The following ZBTB8B variants were observed in gnomAD, a reference collection of about 807,000 sequenced individuals.
ZBTB8B encodes zinc finger and BTB domain-containing protein 8B.
Under a neutral mutation model 30.3 loss-of-function variants are expected in ZBTB8B, and 17 were observed. The ratio of observed to expected loss-of-function variants is 0.56; its 90% CI spans 0.38 to 0.84. ZBTB8B has a LOEUF of 0.84. ZBTB8B is among the 40% of genes least tolerant of loss of function. ZBTB8B has a pLI of 0.00. For synonymous variants in ZBTB8B, 248 were observed against 255.6 expected (o/e 0.97, Z 0.28); for missense variants, 515 against 644.9 (o/e 0.80, Z 2.18).
chr1:32,485,329 T>A lies in ZBTB8B; in HGVS notation c.1399T>A (p.Ser467Thr). ...CAATGACTGGCCAATCTATGTGGAG[T>A]CGGGTGAGGAAAATGACCCTGCTGG... ...TDNDWPIYVE[S>T]GEENDPAGDD... Residue 467 changes from serine to threonine, a missense_variant, in exon 4 of 4, where the codon TCG (serine) becomes ACG (threonine). Physicochemically the swap from Ser to Thr is moderately conservative, Grantham distance 58. Transcript: ENST00000609129. The A allele has an allele frequency of 6.4e-7, 1 of 1,551,848 alleles. No homozygotes were observed. The highest frequency in any genetic ancestry group is 8.7e-7 in the Non-Finnish European group (1 of 1,147,058).
In ZBTB8B at chr1:32,492,676, G is replaced by A. The variant is rs1043148904; in HGVS notation, c.*7258G>A. The A allele has an allele frequency of 6.6e-6, 1 of 152,222 alleles. No individual in the cohort carries two copies. Among genetic ancestry groups the A allele is most frequent in the Non-Finnish European group, 1.5e-5 (1 of 68,068 alleles). 9.4% of individuals were successfully genotyped at this position (152,222 alleles called of 1,614,324 possible). A position where few individuals can be genotyped will look rare whatever the true frequency, so the allele number is the denominator to read the frequency against. ...CTTCTGTTGCTCCCAGCAGATCAAT[G>A]AGTGAAGATGGCTGGTTACTCATTC... On this transcript the variant is annotated 3_prime_UTR_variant, in exon 4 of 4. Transcript: ENST00000609129.
intron 2 of ZBTB8B, among the ~76,000 whole-genome samples, chr1:32,478,875 C>A (rs1643683184): frequency 1.3e-5 from 2 of 152,190 alleles, no homozygotes; most frequent in African/African-American, 4.8e-5. Context: ...AGAGCCTGGA[C>A]TGCTTACCTG....
At chr1:32,474,149 C>T (rs1643644401) in intron 2 of ZBTB8B, among the ~76,000 whole-genome samples, 1 of 151,696 alleles carries the variant, frequency 6.6e-6, no homozygotes, top group Non-Finnish European at 1.5e-5. Context: ...CTATGCCCGG[C>T]TTCAAATTTC....
rs1251756399 is a variant in ZBTB8B, at chr1:32,480,989, A to G, written c.1090A>G (p.Thr364Ala). 3.2e-6 allele frequency: 5 copies of G among 1,552,356 alleles called. No individual in the cohort carries two copies. The highest frequency in any genetic ancestry group is 1.4e-5 in the African/African-American group (1 of 73,066). The change falls in exon 3 of 4, where the codon ACA becomes GCA. Residue 364 changes from threonine (T) to alanine (A), a missense_variant. Thr to Ala is a moderately conservative substitution (Grantham distance 58). Around this residue, in one of 3 missense-constraint regions of ZBTB8B, gnomAD observed 429 missense variants for 504.3 expected, o/e 0.85. Coordinates refer to ENST00000609129, the MANE Select transcript of ZBTB8B (RefSeq NM_001145720.2). ...GILKRHIRSH[T>A]GERPYPCETC... is the part of the protein sequence containing the mutation. ...CCTCAAGCGGCACATCCGTTCACAC[A>G]CAGGCGAGCGGCCCTACCCCTGTGA...
At chr1:32,471,843 CCAT>C (rs1175553379) in intron 2 of ZBTB8B, among the ~76,000 whole-genome samples, 2 of 151,234 alleles carry the variant, frequency 1.3e-5, no homozygotes, top group East Asian at 3.9e-4. Context: ...ATCACCAGTA[CCAT>C]CATCATCATT....
rs1643810787 is a variant in ZBTB8B at position 32,495,528 on chromosome 1, A to G, written c.*10110A>G. 6.6e-6 allele frequency: 1 copy of G among 152,166 alleles called. No homozygotes were observed. Among genetic ancestry groups the G allele is most frequent in the Non-Finnish European group, 1.5e-5 (1 of 68,028 alleles). 9.4% of individuals were successfully genotyped at this position (152,166 alleles called of 1,614,324 possible). A position where few individuals can be genotyped will look rare whatever the true frequency, so the allele number is the denominator to read the frequency against. ...GATTTATATACAGTCAGATTGAAAC[A>G]CCCTAGTTACAAGTTTAGAATAGGA... On this transcript the variant is annotated 3_prime_UTR_variant, in exon 4 of 4. Coordinates refer to ENST00000609129, the MANE Select transcript of ZBTB8B (RefSeq NM_001145720.2).
At chr1:32,481,133 G>T in intron 3 of ZBTB8B, 64 bp downstream of exon 3, 1 of 1,402,724 alleles carries the variant, frequency 7.1e-7, no homozygotes, top group South Asian at 1.6e-5. Flanking sequence ...CTAATGGAAG[G>T]GTGAAGCCAG....
rs1230547187 is a variant in ZBTB8B at position 32,484,780 on chromosome 1, C to T, written c.1171-321C>T. On this transcript the variant is annotated intron_variant, in intron 3 of 3. Transcript: ENST00000609129. This position sits in a 1 kb window ranked among gnomAD's most constrained non-coding sequence, Gnocchi z 4.5. Reference sequence around the variant, plus strand: ...CCCCTGCTCTGGCCATGTGAAGTGCCGGCTCCCCCTTTGTCTTCTGCCACA... The same window carrying T: ...CCCCTGCTCTGGCCATGTGAAGTGCTGGCTCCCCCTTTGTCTTCTGCCACA... 6.6e-6 allele frequency among the ~76,000 whole-genome samples: 1 copy of T among 151,950 alleles called. No homozygotes were observed. Among genetic ancestry groups the T allele is most frequent in the Admixed American group, 6.6e-5 (1 of 15,240 alleles).
At chr1:32,480,145 A>G (rs180728379) in intron 2 of ZBTB8B, among the ~76,000 whole-genome samples, 76 of 152,320 alleles carry the variant, frequency 5.0e-4, no homozygotes, top group Non-Finnish European at 9.8e-4. Context: ...AAGCTTAAAC[A>G]ACAGAAATGT....
intron 1 of ZBTB8B, among the ~76,000 whole-genome samples, chr1:32,470,351 T>A (rs145398253): frequency 8.8e-4 from 134 of 151,506 alleles, no homozygotes; most frequent in African/African-American, 3.0e-3. Flanking sequence ...ATACAAAAAA[T>A]TTGCCGGGCG....
chr1:32,474,343 CAAAAAAAAAAAAAAAAAAAAAAAAA>C (rs57001984), intron 2 of ZBTB8B, among the ~76,000 whole-genome samples: 34 of 39,168 alleles, frequency 8.7e-4, no homozygotes, highest in East Asian at 5.1e-3. Flanking sequence ...CCCATCTCTA[CAAAAAAAAAAAAAAAAAAAAAAAAA>C]AAAAAAAAAA....
In ZBTB8B at chr1:32,485,225, A is replaced by T. The variant is rs1380984802; in HGVS notation, c.1295A>T (p.Asp432Val). 1.9e-6 allele frequency: 3 copies of T among 1,551,618 alleles called. No individual in the cohort carries two copies. The Admixed American group carries it at 5.9e-5, about 30-fold the overall frequency. The change falls in exon 4 of 4, where the codon GAT becomes GTT. Residue 432 changes from aspartate to valine, a missense_variant. This residue lies in a region of ZBTB8B where 429 missense variants were observed against 504.3 expected (regional missense o/e 0.85). Transcript: ENST00000609129. ...TGCACCTGCGTTACAGACACACCCG[A>T]TGATGATGATGATTTGATGCCCATC... ...DSCTCVTDTPDDDDDLMPINL... is the reference protein window; with the variant it reads ...DSCTCVTDTPVDDDDLMPINL...
In ZBTB8B at chr1:32,484,771, G is replaced by C. The variant is rs1357599110; in HGVS notation, c.1171-330G>C. Among the ~76,000 whole-genome samples, 1 of 151,960 alleles carries C rather than the reference G, an allele frequency of 6.6e-6. No individual in the cohort carries two copies. The highest frequency in any genetic ancestry group is 2.4e-5 in the African/African-American group (1 of 41,362). ...TTTCTCTTCCCCCTGCTCTGGCCAT[G>C]TGAAGTGCCGGCTCCCCCTTTGTCT... On this transcript the variant is annotated intron_variant, in intron 3 of 3. Transcript: ENST00000609129. This position sits in a 1 kb window ranked among gnomAD's most constrained non-coding sequence, Gnocchi z 4.5.
At chr1:32,469,406 G>A (rs2148179873) in intron 1 of ZBTB8B, among the ~76,000 whole-genome samples, 1 of 151,896 alleles carries the variant, frequency 6.6e-6, no homozygotes, top group South Asian at 2.1e-4. Flanking sequence ...CACCACGCCT[G>A]GCTAATTTTT....
chr1:32,475,215 T>A (rs771172635), intron 2 of ZBTB8B, among the ~76,000 whole-genome samples: 1 of 152,256 alleles, frequency 6.6e-6, no homozygotes, highest in Non-Finnish European at 1.5e-5. Context: ...GAGTACCTTT[T>A]GTGTGAAGGC....
In ZBTB8B at chr1:32,472,705, C is replaced by G. The variant is rs574024074; in HGVS notation, c.991+1090C>G. Among the ~76,000 whole-genome samples the G allele has an allele frequency of 1.2e-3, 178 of 151,822 alleles. 2 individuals are homozygous for G. Among genetic ancestry groups the G allele is most frequent in the Non-Finnish European group, 2.2e-3 (147 of 67,890 alleles). On this transcript the variant is annotated intron_variant, in intron 2 of 3. Coordinates refer to ENST00000609129, the MANE Select transcript of ZBTB8B (RefSeq NM_001145720.2). ...CTCGGCTCACTGCAACCTCTGCCTC[C>G]CAGGTTCAAGTGATTCTTCTGCCTC...
Position 32,472,531 on chromosome 1 carries a change from G to A in ZBTB8B, c.991+916G>A, listed in dbSNP as rs1643632121. Among the ~76,000 whole-genome samples, 2 of 152,210 alleles carry A rather than the reference G, an allele frequency of 1.3e-5. 1 individual carries two copies. The highest frequency in any genetic ancestry group is 4.1e-4 in the South Asian group (2 of 4,830). On this transcript the variant is annotated intron_variant, in intron 2 of 3. Coordinates refer to ENST00000609129, the MANE Select transcript of ZBTB8B (RefSeq NM_001145720.2). ...ATGCTCCAGAGATTTATACTTCTCT[G>A]TGTCAGCCAAGGTGCTTGTCAGAGA...
intron 2 of ZBTB8B, among the ~76,000 whole-genome samples, chr1:32,479,449 G>A (rs1350020306): frequency 1.3e-5 from 2 of 152,170 alleles, no homozygotes; most frequent in Admixed American, 6.5e-5. Flanking sequence ...CTTGCACCCA[G>A]GAGGTGGAGG....
In ZBTB8B at chr1:32,487,717, C is replaced by T. The variant is rs1324140776; in HGVS notation, c.*2299C>T. The T allele has an allele frequency of 1.3e-5, 2 of 151,762 alleles. No homozygotes were observed. Among genetic ancestry groups the T allele is most frequent in the African/African-American group, 4.8e-5 (2 of 41,282 alleles). 9.4% of individuals were successfully genotyped at this position (151,762 alleles called of 1,614,324 possible). A position where few individuals can be genotyped will look rare whatever the true frequency, so the allele number is the denominator to read the frequency against. On this transcript the variant is annotated 3_prime_UTR_variant, in exon 4 of 4. Coordinates refer to ENST00000609129, the MANE Select transcript of ZBTB8B (RefSeq NM_001145720.2). ...ATTAGTCAGGAGTGGTGGCATGTGCCTGTAATCCCAGCTACTCAGGAGGCT... is the reference window on the plus strand; with the variant it reads ...ATTAGTCAGGAGTGGTGGCATGTGCTTGTAATCCCAGCTACTCAGGAGGCT...
Sources: gnomAD v4.1 joint callset for allele counts (sites outside exome capture counted in the v4.1 genomes callset) on GRCh38, gnomAD v4.1.1 for gene constraint, gnomAD v4.1.1 regional missense constraint, Gnocchi (gnomAD v3.1) non-coding constraint, MANE v1.5 for transcripts, NCBI Gene and HGNC (gene_info 2026-07-23, HGNC 2026-07-21) for gene names.